PDE7A: variants seen among roughly 807,000 people sequenced by gnomAD.
PDE7A encodes the protein phosphodiesterase 7A.
In PDE7A, 39 loss-of-function variants were observed where a neutral mutation model predicts 64.3. The observed-to-expected ratio is 0.61, with a 90% CI of 0.47 to 0.79. The LOEUF (loss-of-function observed/expected upper bound fraction) is 0.79, where lower values mean the gene tolerates loss of function less well. Among genes scored for constraint, PDE7A ranks in the 30% least tolerant of loss-of-function variants. The probability of loss-of-function intolerance (pLI) is 0.00; values close to 1 mark genes in which losing one functional copy is unlikely to be tolerated. For missense variants in PDE7A, 470 were observed against 582.8 expected, an observed-to-expected ratio of 0.81 and a Z score of 1.99; for synonymous variants, 203 against 206.8, an observed-to-expected ratio of 0.98 and a Z score of 0.16.
intron 3 of PDE7A, among the ~76,000 whole-genome samples, chr8:65,772,272 T>C (rs1463334717): frequency 1.3e-5 from 2 of 152,204 alleles, no homozygotes; most frequent in Non-Finnish European, 2.9e-5. Flanking sequence ...TCAGAACACC[T>C]AGAAACTATT....
chr8:65,772,244 A>G (rs1026576281), intron 3 of PDE7A, among the ~76,000 whole-genome samples: 11 of 152,228 alleles, frequency 7.2e-5, no homozygotes, highest in Middle Eastern at 3.2e-3. Flanking sequence ...TTTAATACAC[A>G]TATCCAGAAT....
At chr8:65,764,253 A>C (rs1036941089) in intron 3 of PDE7A, among the ~76,000 whole-genome samples, 1 of 152,220 alleles carries the variant, frequency 6.6e-6, no homozygotes, top group Non-Finnish European at 1.5e-5. Context: ...GTTTGCTCTG[A>C]AACAACCTGA....
At chr8:65,818,626 G>GT (rs1391859841) in intron 1 of PDE7A, among the ~76,000 whole-genome samples, 1 of 152,184 alleles carries the variant, frequency 6.6e-6, no homozygotes, top group African/African-American at 2.4e-5. Flanking sequence ...CTGTTTTCAA[G>GT]TTTGCTCTGA....
chr8:65,734,721 G>A (rs1807050201), intron 7 of PDE7A, 73 bp downstream of exon 7: 1 of 829,916 alleles, frequency 1.2e-6, no homozygotes, highest in Middle Eastern at 2.3e-4. Context: ...AGTAACTTCA[G>A]GAGAAGTATG....
intron 1 of PDE7A, among the ~76,000 whole-genome samples, chr8:65,799,561 T>C (rs1196479668): frequency 1.3e-5 from 2 of 152,182 alleles, no homozygotes; most frequent in Non-Finnish European, 2.9e-5. Flanking sequence ...GAGAAGATGG[T>C]CTAGACTAGG....
chr8:65,799,265 C>T (rs974510828), intron 1 of PDE7A, among the ~76,000 whole-genome samples: 2 of 152,058 alleles, frequency 1.3e-5, no homozygotes, highest in Non-Finnish European at 2.9e-5. Context: ...AAAATCCACC[C>T]CACCCCCAAC....
chr8:65,781,198 G>A (rs1177691479), intron 2 of PDE7A, among the ~76,000 whole-genome samples: 1 of 152,156 alleles, frequency 6.6e-6, no homozygotes, highest in African/African-American at 2.4e-5. Flanking sequence ...GAGGCATCTG[G>A]GCAGGGACCT....
rs1809358454 is a variant in PDE7A at position 65,779,713 on chromosome 8, CACTT to C, written c.283+3_283+6del. 1.4e-6 allele frequency: 2 copies of C among 1,443,190 alleles called. No homozygotes were observed. Among genetic ancestry groups the C allele is most frequent in the Non-Finnish European group, 1.9e-6 (2 of 1,037,208 alleles). The allele number at this position is 1,443,190 out of a possible 1,614,324, so 89.4% of individuals were successfully genotyped here. ...ATCCGAGAAACTTCATGTCTACCAA[CACTT>C]ACAGTGGAAAATACGAAAATCAATA... On this transcript the variant is annotated splice_donor_5th_base_variant and intron_variant, in intron 3 of 12. Coordinates refer to ENST00000401827, the MANE Select transcript of PDE7A (RefSeq NM_001242318.3).
chr8:65,827,566 A>G (rs529565713), intron 1 of PDE7A, among the ~76,000 whole-genome samples: 3 of 152,216 alleles, frequency 2.0e-5, no homozygotes, highest in Non-Finnish European at 4.4e-5. Flanking sequence ...AAACATTATA[A>G]CACTATACAG....
intron 1 of PDE7A, among the ~76,000 whole-genome samples, chr8:65,791,877 G>A (rs547898382): frequency 6.6e-6 from 1 of 152,134 alleles, no homozygotes; most frequent in Non-Finnish European, 1.5e-5. Flanking sequence ...CCTAATGGCT[G>A]TAAGACTTTT....
intron 1 of PDE7A, among the ~76,000 whole-genome samples, chr8:65,831,328 G>A (rs1000050014): frequency 1.3e-5 from 2 of 152,046 alleles, no homozygotes; most frequent in Admixed American, 1.3e-4. Context: ...TTTGAAAGAA[G>A]AAAGAAAAAC....
At chr8:65,772,565 C>T (rs77732976) in intron 3 of PDE7A, among the ~76,000 whole-genome samples, 5,729 of 152,278 alleles carry the variant, frequency 0.038, 145 homozygotes, top group Non-Finnish European at 0.054. Flanking sequence ...AAATAAACTA[C>T]TGATATCTTC....
At chr8:65,794,157 G>A (rs1471821252) in intron 1 of PDE7A, among the ~76,000 whole-genome samples, 2 of 152,076 alleles carry the variant, frequency 1.3e-5, no homozygotes, top group African/African-American at 4.8e-5. Context: ...TCACAACTCT[G>A]TGAAATGAAA....
intron 3 of PDE7A, among the ~76,000 whole-genome samples, chr8:65,760,819 G>A (rs1808451359): frequency 6.6e-6 from 1 of 152,140 alleles, no homozygotes; most frequent in Non-Finnish European, 1.5e-5. Flanking sequence ...GTTACACCCA[G>A]GTGTTCTGTC....
rs1218978698 is a variant in PDE7A, at chr8:65,798,179, CAT to C, written c.139-15338_139-15337del. ...AAATATATACATGTGTGTGTGTGTG[CAT>C]ATATATATATATATATATATATATA... On this transcript the variant is annotated intron_variant, in intron 1 of 12. Coordinates refer to ENST00000401827, the MANE Select transcript of PDE7A (RefSeq NM_001242318.3). Among the ~76,000 whole-genome samples, 251 of 118,892 alleles carry C rather than the reference CAT, an allele frequency of 2.1e-3. 14 individuals carry two copies. Among genetic ancestry groups the C allele is most frequent in the South Asian group, 6.6e-3 (26 of 3,922 alleles). The allele number at this position is 118,892 out of a possible 152,430, so 78.0% of individuals were successfully genotyped here.
chr8:65,766,377 T>C (rs916135817), intron 3 of PDE7A, among the ~76,000 whole-genome samples: 19 of 152,254 alleles, frequency 1.2e-4, no homozygotes, highest in African/African-American at 4.6e-4. Flanking sequence ...GTAGGAATAT[T>C]TGCGACTCTT....
At chr8:65,793,655 C>A (rs1809760530) in intron 1 of PDE7A, among the ~76,000 whole-genome samples, 1 of 152,066 alleles carries the variant, frequency 6.6e-6, no homozygotes, top group Non-Finnish European at 1.5e-5. Flanking sequence ...GCAGATGATG[C>A]ATGATTACAT....
At chr8:65,811,016 G>C (rs934166703) in intron 1 of PDE7A, among the ~76,000 whole-genome samples, 1 of 152,028 alleles carries the variant, frequency 6.6e-6, no homozygotes, top group African/African-American at 2.4e-5. Context: ...AAGTAAATCT[G>C]GGTGTAAACA....
chr8:65,830,195 T>C (rs1563523706), intron 1 of PDE7A, among the ~76,000 whole-genome samples: 1 of 152,112 alleles, frequency 6.6e-6, no homozygotes, highest in Non-Finnish European at 1.5e-5. Flanking sequence ...TATATTCATG[T>C]TGAGAAAGTT....
Sources: gnomAD v4.1 joint callset for allele counts (sites outside exome capture counted in the v4.1 genomes callset) on GRCh38, gnomAD v4.1.1 for gene constraint, MANE v1.5 for transcripts, NCBI Gene and HGNC (gene_info 2026-07-23, HGNC 2026-07-21) for gene names.